Variants in CSAD observed in about 807,000 individuals in gnomAD.
CSAD encodes the protein cysteine sulfinic acid decarboxylase, also known as P-selectin cytoplasmic tail-associated protein.
A neutral mutation model predicts 61.5 loss-of-function variants in CSAD; 47 were observed. The observed-to-expected ratio is 0.76, with a 90% confidence interval of 0.60 to 0.97. The LOEUF is 0.97. Among genes scored for constraint, CSAD ranks in the 50% least tolerant of loss-of-function variants. CSAD has a pLI of 0.00. For synonymous variants in CSAD, 245 were observed against 252.7 expected (o/e 0.97, Z 0.29); for missense variants, 611 against 643.6 (o/e 0.95, Z 0.55).
chr12:53,175,072 C>G lies in CSAD; in HGVS notation c.-49-1302G>C, dbSNP rs373427380. ...TTCTGAGCGCCTGGCTGGCATTACC[C>G]TAGGTGCTGCATCTGCCCTGTGGGC... On this transcript the variant is annotated intron_variant, in intron 2 of 16. Transcript: ENST00000444623. 3.9e-3 allele frequency among the ~76,000 whole-genome samples: 601 copies of G among 152,316 alleles called. 3 individuals carry two copies. Among genetic ancestry groups the G allele is most frequent in the Middle Eastern group, 0.014 (4 of 294 alleles).
chr12:53,170,363 C>T lies in CSAD; in HGVS notation c.647+60G>A, dbSNP rs140047426. 28 of 1,462,596 alleles carry T rather than the reference C, an allele frequency of 1.9e-5. No homozygotes were observed. The African/African-American group carries it at 1.9e-4, about 10-fold the overall frequency. The allele number at this position is 1,462,596 out of a possible 1,614,324, so 90.6% of individuals were successfully genotyped here. A position where few individuals can be genotyped will look rare whatever the true frequency, so the allele number is the denominator to read the frequency against. ...AGGGTCTGATGCCAGAGCTTTCTGG[C>T]GGCAGGAAGTTACGCTGTGCAAAGC... On this transcript the variant is annotated intron_variant, in intron 9 of 16. Transcript: ENST00000444623.
intron 10 of CSAD, among the ~76,000 whole-genome samples, chr12:53,168,616 T>G (rs1285954745): frequency 6.6e-6 from 1 of 152,152 alleles, no homozygotes; most frequent in East Asian, 1.9e-4. Context: ...TGTTAGTATA[T>G]ATATTCTCAC....
intron 16 of CSAD, among the ~76,000 whole-genome samples, chr12:53,158,973 A>G (rs1938909298): frequency 6.6e-6 from 1 of 152,022 alleles, no homozygotes; most frequent in Admixed American, 6.6e-5. Flanking sequence ...GATTCCTAAC[A>G]CTGCTTTAGT....
intron 6 of CSAD, 105 bp downstream of exon 6, chr12:53,172,241 A>G (rs915111633): frequency 3.7e-6 from 4 of 1,068,222 alleles, no homozygotes; most frequent in Non-Finnish European, 5.8e-6. Flanking sequence ...GATTCCCAGA[A>G]GCAGTAGAGA....
At chr12:53,176,123 G>A (rs1362558055) in intron 2 of CSAD, among the ~76,000 whole-genome samples, 1 of 152,084 alleles carries the variant, frequency 6.6e-6, no homozygotes, top group Non-Finnish European at 1.5e-5. Context: ...GGTGAGGGGC[G>A]GGCACAGTGG....
rs1940709593 is a variant in CSAD, at chr12:53,172,519, C to CA, written c.253+2dup. The CA allele has an allele frequency of 6.2e-7, 1 of 1,614,030 alleles. No homozygotes were observed. The highest frequency in any genetic ancestry group is 1.3e-5 in the African/African-American group (1 of 74,928). On this transcript the variant is annotated splice_region_variant and intron_variant, in intron 5 of 16. Transcript: ENST00000444623. ...TCTCCTCCTCACAGAAGCCAGGGCC[C>CA]ACCAGTCTTGACACTGTAGCGAATC...
Position 53,172,388 on chromosome 12 carries a change from G to T in CSAD, c.302C>A (p.Ala101Asp). The change falls in exon 6 of 17, where the codon GCT becomes GAT. Residue 101 changes from alanine (A) to aspartate (D), a missense_variant. Ala to Asp is a moderately radical substitution (Grantham distance 126). Coordinates refer to ENST00000444623, the MANE Select transcript of CSAD (RefSeq NM_001244705.2). ...CTCAGTGATAATGCGCCCGGCCAGA[G>T]CATGGGGATCCAACCCAGAGAAGAG... The part of the protein sequence containing the change: ...NQLFSGLDPH[A>D]LAGRIITESL... 5 of 1,614,142 alleles carry T rather than the reference G, an allele frequency of 3.1e-6. No individual in the cohort carries two copies. Among genetic ancestry groups the T allele is most frequent in the Non-Finnish European group, 4.2e-6 (5 of 1,180,020 alleles).
intron 8 of CSAD, chr12:53,170,981 A>G: frequency 2.2e-6 from 1 of 447,866 alleles, no homozygotes; most frequent in Non-Finnish European, 4.2e-6. Flanking sequence ...TCAGCCTCTC[A>G]AAGTGCTGGG....
chr12:53,169,517 A>G (rs929781527), intron 10 of CSAD, among the ~76,000 whole-genome samples: 9 of 151,074 alleles, frequency 6.0e-5, no homozygotes, highest in Admixed American at 3.3e-4. Context: ...ATATTTATTT[A>G]TTTATTATTA....
Position 53,160,339 on chromosome 12 carries a change from TTG to T in CSAD, c.967-22_967-21del, listed in dbSNP as rs1565647653. ...CAGGTTCTGTGTGGGGGTGAGGAGATTGTCAGACCCTACCCTCTCCACCGAGG... is the reference window on the plus strand; with the variant it reads ...CAGGTTCTGTGTGGGGGTGAGGAGATTCAGACCCTACCCTCTCCACCGAGG... On this transcript the variant is annotated intron_variant, in intron 13 of 16. Transcript: ENST00000444623. 6.2e-7 allele frequency: 1 copy of T among 1,612,474 alleles called. No individual in the cohort carries two copies. The highest frequency in any genetic ancestry group is 8.5e-7 in the Non-Finnish European group (1 of 1,178,648).
chr12:53,180,924 AGGGGGAGGGGAGG>A, exon 1 of CSAD: 1 of 440,402 alleles, frequency 2.3e-6, no homozygotes, highest in Non-Finnish European at 2.6e-6. Flanking sequence ...CCGCGCGGGA[AGGGGGAGGGGAGG>A]GGAGGAGGGG....
intron 1 of CSAD, chr12:53,180,038 G>A: frequency 7.0e-7 from 1 of 1,424,710 alleles, no homozygotes; most frequent in South Asian, 1.5e-5. Flanking sequence ...AAGGGGAGAA[G>A]GTAACCAACC....
At chr12:53,181,126 G>T, upstream of CSAD, 2 of 967,350 alleles carry the variant, frequency 2.1e-6, no homozygotes, top group South Asian at 9.6e-5. Context: ...CTCCCGGTTG[G>T]TGCAGCGGGT....
intron 1 of CSAD, 157 bp downstream of exon 1, chr12:53,180,575 A>G: frequency 1.6e-6 from 2 of 1,283,742 alleles, no homozygotes; most frequent in South Asian, 1.2e-5. Flanking sequence ...ACCCAGCTGC[A>G]CCTCTCCGTG....
chr12:53,162,595 C>T (rs557613395), intron 10 of CSAD, among the ~76,000 whole-genome samples: 1 of 152,084 alleles, frequency 6.6e-6, no homozygotes, highest in African/African-American at 2.4e-5. Flanking sequence ...TTGAATAGTA[C>T]AAAAGTTTAT....
chr12:53,170,152 A>G, intron 9 of CSAD, 26 bp from the exon 10 acceptor site: 2 of 1,608,132 alleles, frequency 1.2e-6, no homozygotes, highest in Non-Finnish European at 8.5e-7. Flanking sequence ...CAGAGGGTAG[A>G]GCAGGGACAG....
At position 53,170,419 on chromosome 12, in the gene CSAD, T is replaced by C. The variant is rs1384677637; in HGVS notation, c.647+4A>G. The C allele has an allele frequency of 6.2e-7, 1 of 1,613,546 alleles. No homozygotes were observed. Among genetic ancestry groups the C allele is most frequent in the Non-Finnish European group, 8.5e-7 (1 of 1,179,610 alleles). On this transcript the variant is annotated splice_donor_region_variant and intron_variant, in intron 9 of 16. Coordinates refer to ENST00000444623, the MANE Select transcript of CSAD (RefSeq NM_001244705.2). ...CACAGCCATGTGGGCAGAAGGACCT[T>C]CACCTCTCATCAGCCTTGACCACTC...
At chr12:53,174,451 C>G (rs1160822351) in intron 2 of CSAD, among the ~76,000 whole-genome samples, 1 of 151,994 alleles carries the variant, frequency 6.6e-6, no homozygotes, top group Non-Finnish European at 1.5e-5. Flanking sequence ...TAACTTTATA[C>G]AATCATTTCA....
chr12:53,168,393 A>G (rs961628817), intron 10 of CSAD, among the ~76,000 whole-genome samples: 2 of 152,232 alleles, frequency 1.3e-5, no homozygotes, highest in African/African-American at 4.8e-5. Context: ...TGTGAATTAT[A>G]TATCAATAAA....
Sources: allele counts gnomAD v4.1 joint callset (sites outside exome capture counted in the v4.1 genomes callset), GRCh38; gene constraint gnomAD v4.1.1; transcripts MANE v1.5; gene names NCBI Gene and HGNC (gene_info 2026-07-23, HGNC 2026-07-21).